Variants in CSMD1 observed in about 807,000 individuals in gnomAD.
CSMD1 encodes the protein CUB and Sushi multiple domains 1.
A neutral mutation model predicts 417.5 loss-of-function variants in CSMD1; 213 were observed. That is an observed-to-expected ratio of 0.51 (90% CI 0.46 to 0.57). The LOEUF (loss-of-function observed/expected upper bound fraction) is 0.57. Ranked by LOEUF, CSMD1 falls within the 20% of genes least tolerant of loss-of-function variation. CSMD1 has a pLI of 0.00. For synonymous variants in CSMD1, 2,862 were observed against 1,736.8 expected (o/e 1.65, Z -16.11); for missense variants, 6,923 against 4,529.7 (o/e 1.53, Z -15.17).
intron 5 of CSMD1, among the ~76,000 whole-genome samples, chr8:3,910,917 A>G (rs1808416400): frequency 1.3e-5 from 2 of 152,194 alleles, no homozygotes; most frequent in Admixed American, 1.3e-4. Context: ...GTATCTACAC[A>G]GAACTGTTAT....
chr8:4,938,201 A>T lies in CSMD1; in HGVS notation c.85+56131T>A, dbSNP rs190971697. 5.6e-4 allele frequency among the ~76,000 whole-genome samples: 85 copies of T among 152,310 alleles called. 2 individuals are homozygous for T. The highest frequency in any genetic ancestry group is 1.5e-3 in the African/African-American group (63 of 41,556). On this transcript the variant is annotated intron_variant, in intron 1 of 69. Transcript: ENST00000635120. ...GAAATAGTCAGAACTGTTGACTTTG[A>T]GCTACTAGTGAAGCTCTGGAGTGAC... is the stretch of plus-strand genomic sequence containing the variant.
intron 46 of CSMD1, among the ~76,000 whole-genome samples, chr8:3,100,515 G>T (rs989854370): frequency 1.3e-5 from 2 of 152,190 alleles, no homozygotes; most frequent in Non-Finnish European, 2.9e-5. Context: ...TTATTTCTTA[G>T]CAGCAATCAC....
At chr8:3,864,915 C>T (rs1804977221) in intron 5 of CSMD1, among the ~76,000 whole-genome samples, 1 of 152,198 alleles carries the variant, frequency 6.6e-6, no homozygotes, top group South Asian at 2.1e-4. Flanking sequence ...AAGTATTGCT[C>T]TACGTGGTCT....
At chr8:4,284,902 C>T (rs989694583) in intron 3 of CSMD1, among the ~76,000 whole-genome samples, 2 of 152,162 alleles carry the variant, frequency 1.3e-5, no homozygotes, top group African/African-American at 2.4e-5. Context: ...TCCTCCTTTC[C>T]TGAATTCAGT....
chr8:3,644,472 C>G (rs1440143873), intron 7 of CSMD1, among the ~76,000 whole-genome samples: 1 of 152,050 alleles, frequency 6.6e-6, no homozygotes, highest in Non-Finnish European at 1.5e-5. Context: ...TCTATGTGCT[C>G]CTTGGACATC....
At position 4,029,467 on chromosome 8, in the gene CSMD1, A is replaced by G. The variant is rs140930991; in HGVS notation, c.610+2438T>C. The stretch of plus-strand genomic sequence containing the variant: ...GCAGGCAAAGTCAGCCTGTGCAGAG[A>G]AACACCCATTTTTAAAACCATCAGA... On this transcript the variant is annotated intron_variant, in intron 4 of 69. Transcript: ENST00000635120. 1.1e-4 allele frequency among the ~76,000 whole-genome samples: 17 copies of G among 152,250 alleles called. No individual in the cohort carries two copies. The East Asian group carries it at 2.5e-3, about 23-fold the overall frequency.
At chr8:4,345,171 C>T (rs895628690) in intron 3 of CSMD1, among the ~76,000 whole-genome samples, 2 of 152,122 alleles carry the variant, frequency 1.3e-5, no homozygotes, top group Admixed American at 6.6e-5. Flanking sequence ...AACAGATTTC[C>T]ACTTACATGC....
intron 3 of CSMD1, among the ~76,000 whole-genome samples, chr8:4,324,932 C>A (rs765655778): frequency 6.6e-5 from 10 of 152,090 alleles, no homozygotes; most frequent in African/African-American, 9.7e-5. Context: ...GGCCTCTTCA[C>A]GGGAAGGAGG....
chr8:4,472,336 C>G (rs1800582566), intron 2 of CSMD1, among the ~76,000 whole-genome samples: 1 of 152,036 alleles, frequency 6.6e-6, no homozygotes, highest in Non-Finnish European at 1.5e-5. Flanking sequence ...GTAGAGAAAG[C>G]ATGTATGTAC....
intron 12 of CSMD1, among the ~76,000 whole-genome samples, chr8:3,435,140 A>T (rs1394434089): frequency 6.6e-6 from 1 of 152,130 alleles, no homozygotes; most frequent in Non-Finnish European, 1.5e-5. Flanking sequence ...CTGTGGCCTC[A>T]GTCACTCCCC....
At chr8:3,733,632 T>C (rs548932432) in intron 6 of CSMD1, among the ~76,000 whole-genome samples, 3 of 152,084 alleles carry the variant, frequency 2.0e-5, no homozygotes, top group African/African-American at 7.2e-5. Flanking sequence ...CCCGAATCAT[T>C]CCTCTGTCCA....
intron 2 of CSMD1, among the ~76,000 whole-genome samples, chr8:4,483,852 G>C (rs1271090629): frequency 2.6e-5 from 4 of 152,134 alleles, no homozygotes; most frequent in Non-Finnish European, 4.4e-5. Context: ...ATATTTCTGG[G>C]TGTTTCACAA....
chr8:4,111,524 G>A (rs571305684), intron 3 of CSMD1, among the ~76,000 whole-genome samples: 5 of 152,254 alleles, frequency 3.3e-5, no homozygotes, highest in East Asian at 3.9e-4. Context: ...CCACCCAAAC[G>A]CCCATCACTG....
intron 4 of CSMD1, among the ~76,000 whole-genome samples, chr8:4,011,779 G>A (rs114421280): frequency 0.015 from 2,260 of 152,146 alleles, 60 homozygotes; most frequent in African/African-American, 0.052. Context: ...TACAAGTGTA[G>A]TATAATATTA....
intron 21 of CSMD1, among the ~76,000 whole-genome samples, chr8:3,348,511 C>A (rs986274992): frequency 1.3e-5 from 2 of 152,210 alleles, no homozygotes; most frequent in Non-Finnish European, 2.9e-5. Context: ...CCACCCACCT[C>A]ATTCCTGCCT....
chr8:3,359,545 T>TC (rs932726267), intron 20 of CSMD1, among the ~76,000 whole-genome samples: 2 of 151,918 alleles, frequency 1.3e-5, no homozygotes, highest in African/African-American at 4.8e-5. Flanking sequence ...TTAGTATTTT[T>TC]TTTTTTTTAA....
chr8:3,051,172 C>A (rs921662511), intron 50 of CSMD1, among the ~76,000 whole-genome samples: 13 of 152,152 alleles, frequency 8.5e-5, no homozygotes, highest in Non-Finnish European at 1.6e-4. Context: ...GCGCTATTCA[C>A]AATAGCAAAG....
At chr8:4,602,963 G>C (rs957185220) in intron 2 of CSMD1, among the ~76,000 whole-genome samples, 1 of 151,748 alleles carries the variant, frequency 6.6e-6, no homozygotes, top group African/African-American at 2.4e-5. Context: ...TAAAAAAGAA[G>C]ATATTCAGAC....
At chr8:4,339,051 C>G (rs571241334) in intron 3 of CSMD1, among the ~76,000 whole-genome samples, 4 of 152,012 alleles carry the variant, frequency 2.6e-5, no homozygotes, top group African/African-American at 7.2e-5. Flanking sequence ...TCAAATCTAC[C>G]GGGAACTATT....
Sources: gnomAD v4.1 joint callset for allele counts (sites outside exome capture counted in the v4.1 genomes callset) on GRCh38, gnomAD v4.1.1 for gene constraint, MANE v1.5 for transcripts, NCBI Gene and HGNC (gene_info 2026-07-23, HGNC 2026-07-21) for gene names.